The following HYCC2 variants were observed in gnomAD, a reference collection of about 807,000 sequenced individuals.
HYCC2 encodes hyccin PI4KA lipid kinase complex subunit 2.
At chr2:201,048,147 TTG>T in the HYCC2 span, among the ~76,000 whole-genome samples, 333 of 152,254 alleles carry the variant, frequency 2.2e-3, 2 homozygotes, top group African/African-American at 7.7e-3. Context: ...ATTTTAGCAG[TTG>T]TGTGACACTA....
the HYCC2 span, among the ~76,000 whole-genome samples, chr2:201,015,229 A>G: frequency 6.6e-6 from 1 of 152,198 alleles, no homozygotes; most frequent in African/African-American, 2.4e-5. Context: ...TGCAACACAG[A>G]TGATCCCATG....
At chr2:200,983,874 G>A in the HYCC2 span, among the ~76,000 whole-genome samples, 2 of 151,944 alleles carry the variant, frequency 1.3e-5, no homozygotes, top group Non-Finnish European at 2.9e-5. Context: ...TGATGCCCAA[G>A]CAATATGGCC....
chr2:201,005,838 A>G, the HYCC2 span, among the ~76,000 whole-genome samples: 16 of 151,860 alleles, frequency 1.1e-4, no homozygotes, highest in Admixed American at 7.2e-4. Context: ...TTATTTATTT[A>G]TTTATTTTTT....
the HYCC2 span, among the ~76,000 whole-genome samples, chr2:201,035,199 T>A: frequency 2.0e-5 from 3 of 152,228 alleles, no homozygotes; most frequent in African/African-American, 7.2e-5. Context: ...CAGAGTGTTT[T>A]CCAACTTGGT....
the HYCC2 span, among the ~76,000 whole-genome samples, chr2:200,984,102 C>G: frequency 6.6e-6 from 1 of 151,826 alleles, no homozygotes; most frequent in Non-Finnish European, 1.5e-5. Flanking sequence ...TGCAGTGGCA[C>G]GATCACAGCC....
chr2:200,976,234 G>A, the HYCC2 span: 1 of 152,120 alleles, frequency 6.6e-6, no homozygotes, highest in Non-Finnish European at 1.5e-5. Context: ...GCTGTACATA[G>A]AAAAATTGCT....
At chr2:201,003,124 T>C in the HYCC2 span, among the ~76,000 whole-genome samples, 135 of 152,162 alleles carry the variant, frequency 8.9e-4, no homozygotes, top group Non-Finnish European at 1.2e-3. Context: ...TGGAGTGCAG[T>C]GGTGCAATCA....
At chr2:201,054,596 T>G in the HYCC2 span, among the ~76,000 whole-genome samples, 1 of 152,202 alleles carries the variant, frequency 6.6e-6, no homozygotes, top group African/African-American at 2.4e-5. Flanking sequence ...AAGACTACAT[T>G]CTGGGTGCTA....
At chr2:201,012,067 CT>C in the HYCC2 span, among the ~76,000 whole-genome samples, 2 of 151,014 alleles carry the variant, frequency 1.3e-5, no homozygotes, top group African/African-American at 2.4e-5. Context: ...ATAGTTATCC[CT>C]TTTTTTTTAA....
the HYCC2 span, among the ~76,000 whole-genome samples, chr2:201,033,223 A>C: frequency 3.0e-5 from 4 of 133,890 alleles, no homozygotes; most frequent in Admixed American, 7.4e-5. Context: ...GAGAGATGAG[A>C]TCTCTCTCTG....
At chr2:201,014,086 T>A in the HYCC2 span, among the ~76,000 whole-genome samples, 1 of 152,200 alleles carries the variant, frequency 6.6e-6, no homozygotes, top group Non-Finnish European at 1.5e-5. Flanking sequence ...GTATACTAAT[T>A]TTGCACTGTC....
chr2:200,975,499 AAG>A, the HYCC2 span: 1 of 152,080 alleles, frequency 6.6e-6, no homozygotes, highest in Non-Finnish European at 1.5e-5. Flanking sequence ...CATTTTTAAA[AAG>A]ACTCATTTAT....
the HYCC2 span, among the ~76,000 whole-genome samples, chr2:200,999,861 C>A: frequency 6.7e-6 from 1 of 148,570 alleles, no homozygotes; most frequent in Non-Finnish European, 1.5e-5. Context: ...AGTTCGAGAC[C>A]AGCCTGGCCA....
At chr2:201,022,374 G>T in the HYCC2 span, 1 of 277,242 alleles carries the variant, frequency 3.6e-6, no homozygotes. Context: ...ATCCTTTTCA[G>T]GCTAAATTTA....
the HYCC2 span, among the ~76,000 whole-genome samples, chr2:201,055,343 T>G: frequency 1.1e-4 from 16 of 151,018 alleles, no homozygotes; most frequent in Admixed American, 1.1e-3. Flanking sequence ...GATCGCACCA[T>G]TGCACTACAG....
chr2:201,013,026 A>C, the HYCC2 span, among the ~76,000 whole-genome samples: 1 of 151,884 alleles, frequency 6.6e-6, no homozygotes, highest in African/African-American at 2.4e-5. Flanking sequence ...AACTGCAGCA[A>C]TCCTTTTCCC....
At chr2:201,062,235 C>G in the HYCC2 span, among the ~76,000 whole-genome samples, 1 of 152,120 alleles carries the variant, frequency 6.6e-6, no homozygotes, top group Non-Finnish European at 1.5e-5. Flanking sequence ...TAATAGAAAT[C>G]TGGCCAGACA....
the HYCC2 span, chr2:200,981,770 T>G: frequency 6.2e-7 from 1 of 1,614,188 alleles, no homozygotes; most frequent in Non-Finnish European, 8.5e-7. The surrounding 1 kb of genome is among the most constrained non-coding windows in gnomAD (Gnocchi z 4.5). Context: ...GAGGATGGTT[T>G]GGTCCCAATT....
chr2:200,991,942 C>T, the HYCC2 span, among the ~76,000 whole-genome samples: 35 of 148,048 alleles, frequency 2.4e-4, no homozygotes, highest in Admixed American at 6.1e-4. Context: ...ATGTCGGGGC[C>T]GGGGGGGGAG....
Sources: allele counts gnomAD v4.1 joint callset (sites outside exome capture counted in the v4.1 genomes callset), GRCh38; gene constraint gnomAD v4.1.1; non-coding constraint Gnocchi (gnomAD v3.1); transcripts MANE v1.5; gene names NCBI Gene and HGNC (gene_info 2026-07-23, HGNC 2026-07-21).